Variants in PITPNM1 observed in about 807,000 individuals in gnomAD.
The protein encoded by PITPNM1 is membrane-associated phosphatidylinositol transfer protein 1.
PITPNM1 carries 74 observed loss-of-function variants against 133.3 expected under a neutral mutation model. The ratio of observed to expected loss-of-function variants is 0.56; its 90% CI spans 0.46 to 0.67. The LOEUF is 0.67. Ranked by LOEUF, PITPNM1 falls within the 30% of genes least tolerant of loss-of-function variation. PITPNM1 has a pLI of 0.00. For synonymous variants in PITPNM1, 738 were observed against 741.4 expected, an observed-to-expected ratio of 1.00 and a Z score of 0.08; for missense variants, 1,398 against 1,739.5, an observed-to-expected ratio of 0.80 and a Z score of 3.49.
chr11:67,494,958 T>A lies in PITPNM1; in HGVS notation c.2632-2A>T. 1 of 1,612,138 alleles carries A rather than the reference T, an allele frequency of 6.2e-7. No homozygotes were observed. The highest frequency in any genetic ancestry group is 8.5e-7 in the Non-Finnish European group (1 of 1,179,502). ...CTGTGGCCGCTCCTTCTCGATCACC[T>A]GCACGGGACAGGGGGCGAGGCCTCT... On this transcript the variant is annotated splice_acceptor_variant, in intron 17 of 23. Transcript: ENST00000356404. LOFTEE classifies it high-confidence loss of function.
At position 67,499,844 on chromosome 11, in the gene PITPNM1, G is replaced by A. The variant is rs1171169775; in HGVS notation, c.1064-14C>T. The stretch of plus-strand genomic sequence containing the variant: ...CCGAGAAGCCTTCTGAGGGGACAGG[G>A]GGCTGTGTCATGGGGTGGGAGGAGC... On this transcript the variant is annotated splice_polypyrimidine_tract_variant and intron_variant, in intron 7 of 23. Transcript: ENST00000356404. 2 of 1,585,970 alleles carry A rather than the reference G, an allele frequency of 1.3e-6. No homozygotes were observed. Among genetic ancestry groups the A allele is most frequent in the Non-Finnish European group, 1.7e-6 (2 of 1,158,630 alleles).
Position 67,494,896 on chromosome 11 carries a change from C to T in PITPNM1, c.2692G>A (p.Ala898Thr). The part of the protein sequence containing the change: ...ECEEPSIYSP[A>T]FPREKWQRKR... Reference sequence around the variant, plus strand: ...CGCTGCCACTTCTCCCTGGGGAAGGCCGGGCTGTAGATGGACGGCTCCTCG... The same window carrying T: ...CGCTGCCACTTCTCCCTGGGGAAGGTCGGGCTGTAGATGGACGGCTCCTCG... Residue 898 changes from alanine to threonine, a missense_variant, in exon 18 of 24, where the codon GCC becomes ACC. By Grantham distance (58) the Ala-to-Thr change is moderately conservative. Around this residue, in one of 5 missense-constraint regions of PITPNM1, gnomAD observed 574 missense variants for 698.7 expected, o/e 0.82. Transcript: ENST00000356404. 1 of 1,613,004 alleles carries T rather than the reference C, an allele frequency of 6.2e-7. No homozygotes were observed. Among genetic ancestry groups the T allele is most frequent in the Non-Finnish European group, 8.5e-7 (1 of 1,179,820 alleles).
At position 67,491,807 on chromosome 11, in the gene PITPNM1, A is replaced by C; in HGVS notation, c.*226T>G. The C allele has an allele frequency of 1.7e-6, 1 of 572,076 alleles. No homozygotes were observed. Among genetic ancestry groups the C allele is most frequent in the Non-Finnish European group, 3.1e-6 (1 of 322,772 alleles). 35.4% of individuals were successfully genotyped at this position (572,076 alleles called of 1,614,324 possible). A position where few individuals can be genotyped will look rare whatever the true frequency, so the allele number is the denominator to read the frequency against. On this transcript the variant is annotated 3_prime_UTR_variant, in exon 24 of 24. Coordinates refer to ENST00000356404, the MANE Select transcript of PITPNM1 (RefSeq NM_004910.3). ...CGTTTATTTTCATGGATTTATACAC[A>C]CTGGAAAAGCCTCTGCGCCCATGCC... is the stretch of plus-strand genomic sequence containing the variant.
At chr11:67,500,479 TA>T (rs1337521938) in intron 5 of PITPNM1, 58 bp from the exon 6 acceptor site, 6 of 1,523,250 alleles carry the variant, frequency 3.9e-6, no homozygotes, top group Non-Finnish European at 5.3e-6. Context: ...CCACCGCAGC[TA>T]CATGCCCAGC....
chr11:67,500,535 A>G, intron 5 of PITPNM1, 114 bp from the exon 6 acceptor site: 1 of 1,022,694 alleles, frequency 9.8e-7, no homozygotes, highest in Admixed American at 2.1e-5. Context: ...ACCCACCCAG[A>G]GCCACAAAGT....
rs767455032 is a variant in PITPNM1, at chr11:67,495,233, G to A, written c.2483-8C>T. 3 of 1,575,294 alleles carry A rather than the reference G, an allele frequency of 1.9e-6. No individual in the cohort carries two copies. Among genetic ancestry groups the A allele is most frequent in the Admixed American group, 1.7e-5 (1 of 58,338 alleles). On this transcript the variant is annotated splice_region_variant and splice_polypyrimidine_tract_variant and intron_variant, in intron 16 of 23. Transcript: ENST00000356404. ...CCCACCAGCGCTCCAGGACTGCGCG[G>A]CCATGGCAGCGAGTCAGGATGGCCT...
In PITPNM1 at chr11:67,502,165, C is replaced by T. The variant is rs181709841; in HGVS notation, c.416-79G>A. The T allele has an allele frequency of 6.5e-4, 1,009 of 1,552,874 alleles. 6 individuals are homozygous for T. The African/African-American group carries it at 0.012, about 18-fold the overall frequency. ...CTGGCACCCTCTTGGGACTGGATGA[C>T]AGTTCCCGTCCTTTTGCAGACAGGA... On this transcript the variant is annotated intron_variant, in intron 4 of 23. Transcript: ENST00000356404. The surrounding 1 kb of genome is among the most constrained non-coding windows in gnomAD (Gnocchi z 5.9).
intron 22 of PITPNM1, 95 bp downstream of exon 22, chr11:67,493,315 A>G: frequency 7.6e-7 from 1 of 1,317,896 alleles, no homozygotes; most frequent in Non-Finnish European, 1.0e-6. Flanking sequence ...GGGCCGATCC[A>G]GTTGGGAACA....
Position 67,502,181 on chromosome 11 carries a change from G to T in PITPNM1, c.416-95C>A. The T allele has an allele frequency of 6.5e-7, 1 of 1,550,362 alleles. No homozygotes were observed. The highest frequency in any genetic ancestry group is 8.8e-7 in the Non-Finnish European group (1 of 1,138,956). The stretch of plus-strand genomic sequence containing the variant: ...ACTGGATGACAGTTCCCGTCCTTTT[G>T]CAGACAGGACATGAGGCCTGGAGAG... On this transcript the variant is annotated intron_variant, in intron 4 of 23. Transcript: ENST00000356404. This position sits in a 1 kb window ranked among gnomAD's most constrained non-coding sequence, Gnocchi z 5.9.
At chr11:67,496,507 A>C in intron 14 of PITPNM1, 159 bp from the exon 15 acceptor site, 1 of 600,694 alleles carries the variant, frequency 1.7e-6, no homozygotes, top group Non-Finnish European at 2.8e-6. Flanking sequence ...CCCTGCTTAA[A>C]GTGAGACAGG....
Position 67,498,751 on chromosome 11 carries a change from A to G in PITPNM1, c.1329T>C (p.Pro443=). 5 of 1,611,628 alleles carry G rather than the reference A, an allele frequency of 3.1e-6. No individual in the cohort carries two copies. The highest frequency in any genetic ancestry group is 4.2e-6 in the Non-Finnish European group (5 of 1,179,978). ...CCGCCTGCTTGGAGTTGGCGTCTCCAGGGCCTGAGTCCAGGATGTTGCCGC... is the reference window on the plus strand; with the variant it reads ...CCGCCTGCTTGGAGTTGGCGTCTCCGGGGCCTGAGTCCAGGATGTTGCCGC... ...LHSGNILDSG[P]GDANSKQADV... Residue 443 remains proline (P), a synonymous_variant, in exon 10 of 24, where the codon CCT becomes CCC. Transcript: ENST00000356404. The surrounding 1 kb of genome is among the most constrained non-coding windows in gnomAD (Gnocchi z 5.7).
intron 17 of PITPNM1, 24 bp from the exon 18 acceptor site, chr11:67,494,980 CTCTGTCTCTTAGGG>C: frequency 1.2e-6 from 2 of 1,610,124 alleles, no homozygotes; most frequent in Non-Finnish European, 1.7e-6. Flanking sequence ...GGGGCGAGGC[CTCTGTCTCTTAGGG>C]GAGGGAGGGC....
At chr11:67,495,361 T>C in intron 16 of PITPNM1, 77 bp downstream of exon 16, 1 of 1,458,468 alleles carries the variant, frequency 6.9e-7, no homozygotes, top group Non-Finnish European at 9.1e-7. Context: ...GGGGAAAGGG[T>C]TTCTCAGCTG....
rs776256587 is a variant in PITPNM1 at position 67,498,116 on chromosome 11, T to C, written c.1674+17A>G. The C allele has an allele frequency of 3.7e-6, 6 of 1,611,690 alleles. No individual in the cohort carries two copies. The highest frequency in any genetic ancestry group is 1.7e-5 in the Admixed American group (1 of 59,988). ...CTGCAGTGGAGGGCAGCAGATGGACTGTCCCTAACCGCTGACCTGCCCACA... is the reference window on the plus strand; with the variant it reads ...CTGCAGTGGAGGGCAGCAGATGGACCGTCCCTAACCGCTGACCTGCCCACA... On this transcript the variant is annotated intron_variant, in intron 11 of 23. Transcript: ENST00000356404. This position sits in a 1 kb window ranked among gnomAD's most constrained non-coding sequence, Gnocchi z 5.7.
rs1866203255 is a variant in PITPNM1 at position 67,498,405 on chromosome 11, C to T, written c.1485-83G>A. The stretch of plus-strand genomic sequence containing the variant: ...AAGTCCCCTGGGCCTGCTGGCAGGC[C>T]CTGGCTCTGTGGGTCCTCTGTGGGG... On this transcript the variant is annotated intron_variant, in intron 10 of 23. Coordinates refer to ENST00000356404, the MANE Select transcript of PITPNM1 (RefSeq NM_004910.3). The surrounding 1 kb of genome is among the most constrained non-coding windows in gnomAD (Gnocchi z 5.7). 2.1e-6 allele frequency: 3 copies of T among 1,421,416 alleles called. No homozygotes were observed. The East Asian group carries it at 7.2e-5, about 34-fold the overall frequency. The allele number at this position is 1,421,416 out of a possible 1,614,324, so 88.1% of individuals were successfully genotyped here.
chr11:67,500,190 G>A lies in PITPNM1; in HGVS notation c.872C>T (p.Pro291Leu). 2 of 1,602,286 alleles carry A rather than the reference G, an allele frequency of 1.2e-6. No homozygotes were observed. Among genetic ancestry groups the A allele is most frequent in the Non-Finnish European group, 1.7e-6 (2 of 1,177,456 alleles). ...GGCATCTGGGCCTGGGGGGGCCTCAGGCCCATCGGGGGTGCCAGTGTTGCT... is the reference window on the plus strand; with the variant it reads ...GGCATCTGGGCCTGGGGGGGCCTCAAGCCCATCGGGGGTGCCAGTGTTGCT... ...AASNTGTPDG[P>L]EAPPGPDASP... is the part of the protein sequence containing the mutation. The change falls in exon 6 of 24, where the codon CCT (proline) becomes CTT (leucine). Residue 291 changes from proline to leucine, a missense_variant. Coordinates refer to ENST00000356404, the MANE Select transcript of PITPNM1 (RefSeq NM_004910.3).
rs765317873 is a variant in PITPNM1, at chr11:67,502,599, G to T, written c.198C>A (p.Gly66=). The T allele has an allele frequency of 3.7e-5, 60 of 1,613,502 alleles. No individual in the cohort carries two copies. Among genetic ancestry groups the T allele is most frequent in the Non-Finnish European group, 4.9e-5 (58 of 1,180,030 alleles). The change falls in exon 3 of 24, where the codon GGC becomes GGA. Residue 66 remains glycine (G), a synonymous_variant. Transcript: ENST00000356404. This position sits in a 1 kb window ranked among gnomAD's most constrained non-coding sequence, Gnocchi z 5.9. The part of the protein sequence containing the change: ...GQYTHKVYHV[G]SHIPGWFRAL... Reference sequence around the variant, plus strand: ...CCCGGAACCAGCCTGGGATGTGGGAGCCCACGTGGTACACCTTGTGTGTGT... The same window carrying T: ...CCCGGAACCAGCCTGGGATGTGGGATCCCACGTGGTACACCTTGTGTGTGT...
chr11:67,492,040 T>G lies in PITPNM1; in HGVS notation c.3728A>C (p.Glu1243Ala). The change falls in exon 24 of 24, where the codon GAG (glutamate) becomes GCG (alanine). Residue 1243 changes from glutamate to alanine, a missense_variant. This residue lies in a region of PITPNM1 where 122 missense variants were observed against 123.3 expected (regional missense o/e 0.99). Coordinates refer to ENST00000356404, the MANE Select transcript of PITPNM1 (RefSeq NM_004910.3). The part of the protein sequence containing the change: ...ARSISLKLDS[E>A]E ...TCCAGGCTGGTGTGGGCCTCACTCC[T>G]CGCTGTCCAGCTTCAGGCTGATGCT... 1 of 1,612,126 alleles carries G rather than the reference T, an allele frequency of 6.2e-7. No individual in the cohort carries two copies. Among genetic ancestry groups the G allele is most frequent in the South Asian group, 1.1e-5 (1 of 91,060 alleles).
Position 67,498,335 on chromosome 11 carries a change from G to C in PITPNM1, c.1485-13C>G. On this transcript the variant is annotated splice_polypyrimidine_tract_variant and intron_variant, in intron 10 of 23. Transcript: ENST00000356404. This position sits in a 1 kb window ranked among gnomAD's most constrained non-coding sequence, Gnocchi z 5.7. ...GTAAGGGCTCAGGCTGTAGGAGGGGGAAATGTGCGTGGGTGAGGGGCTTCC... is the reference window on the plus strand; with the variant it reads ...GTAAGGGCTCAGGCTGTAGGAGGGGCAAATGTGCGTGGGTGAGGGGCTTCC... 1 of 1,548,356 alleles carries C rather than the reference G, an allele frequency of 6.5e-7. No individual in the cohort carries two copies. The highest frequency in any genetic ancestry group is 1.4e-5 in the African/African-American group (1 of 74,038).
Sources: gnomAD v4.1 joint callset for allele counts on GRCh38, gnomAD v4.1.1 for gene constraint, gnomAD v4.1.1 regional missense constraint, Gnocchi (gnomAD v3.1) non-coding constraint, MANE v1.5 for transcripts, NCBI Gene and HGNC (gene_info 2026-07-23, HGNC 2026-07-21) for gene names.